The following ZCCHC7 variants were observed in gnomAD, a reference collection of about 807,000 sequenced individuals.
ZCCHC7 encodes zinc finger CCHC-type containing 7.
Under a neutral mutation model 52.0 loss-of-function variants are expected in ZCCHC7, and 35 were observed. That is an observed-to-expected ratio of 0.67 (90% confidence interval 0.51 to 0.89). The LOEUF is 0.89. Ranked by LOEUF, ZCCHC7 falls within the 40% of genes least tolerant of loss-of-function variation. The pLI is 0.00. For synonymous variants in ZCCHC7, 217 were observed against 221.5 expected (o/e 0.98, Z 0.18); for missense variants, 574 against 649.1 (o/e 0.88, Z 1.26).
At chr9:37,122,974 A>G (rs1398181609) in intron 1 of ZCCHC7, among the ~76,000 whole-genome samples, 4 of 152,264 alleles carry the variant, frequency 2.6e-5, no homozygotes, top group Admixed American at 6.5e-5. Flanking sequence ...AAATTTTAGT[A>G]AACAGTTGGC....
chr9:37,255,380 G>C (rs559947528), intron 2 of ZCCHC7, among the ~76,000 whole-genome samples: 1 of 152,038 alleles, frequency 6.6e-6, no homozygotes, highest in African/African-American at 2.4e-5. Flanking sequence ...AACCCAGATG[G>C]CTACTAGGTG....
At chr9:37,318,153 A>T (rs113471934) in intron 5 of ZCCHC7, among the ~76,000 whole-genome samples, 1 of 151,930 alleles carries the variant, frequency 6.6e-6, no homozygotes. Flanking sequence ...ATATTTGACG[A>T]TGAGGATGAC....
chr9:37,259,798 A>G (rs528545810), intron 2 of ZCCHC7, among the ~76,000 whole-genome samples: 4 of 152,302 alleles, frequency 2.6e-5, no homozygotes, highest in African/African-American at 9.6e-5. Flanking sequence ...TGACTTGTAT[A>G]TAATTCAGAA....
At chr9:37,189,003 C>T (rs1252072293) in intron 2 of ZCCHC7, among the ~76,000 whole-genome samples, 1 of 77,676 alleles carries the variant, frequency 1.3e-5, no homozygotes, top group Non-Finnish European at 2.4e-5. Context: ...TCATTTTTTT[C>T]CCATCTCTCA....
Position 37,354,017 on chromosome 9 carries a change from G to A in ZCCHC7, c.1084-693G>A, listed in dbSNP as rs1821547477. 6.6e-6 allele frequency among the ~76,000 whole-genome samples: 1 copy of A among 152,174 alleles called. No homozygotes were observed. Among genetic ancestry groups the A allele is most frequent in the African/African-American group, 2.4e-5 (1 of 41,440 alleles). On this transcript the variant is annotated intron_variant, in intron 7 of 8. Coordinates refer to ENST00000336755, the MANE Select transcript of ZCCHC7 (RefSeq NM_032226.3). This position sits in a 1 kb window ranked among gnomAD's most constrained non-coding sequence, Gnocchi z 4.0. ...TATGGATTTGGGAAATACTAGCTGG[G>A]TAGAGGCCAGAGTCATGAGAGTAGG...
chr9:37,318,862 G>T (rs1829936928), intron 5 of ZCCHC7, among the ~76,000 whole-genome samples: 1 of 150,104 alleles, frequency 6.7e-6, no homozygotes, highest in African/African-American at 2.5e-5. Flanking sequence ...AGAATCACTT[G>T]AACCCAGGAG....
intron 2 of ZCCHC7, among the ~76,000 whole-genome samples, chr9:37,267,736 A>AT (rs549019531): frequency 9.6e-4 from 146 of 151,438 alleles, no homozygotes; most frequent in African/African-American, 3.4e-3. Context: ...CGCCTGGCTA[A>AT]TTTTTTGTAT....
chr9:37,234,015 G>A (rs1048933949), intron 2 of ZCCHC7, among the ~76,000 whole-genome samples: 5 of 151,964 alleles, frequency 3.3e-5, no homozygotes, highest in Admixed American at 2.6e-4. Flanking sequence ...CACCACGCCC[G>A]GCTAATATTT....
At chr9:37,350,189 C>G (rs1197533494) in intron 7 of ZCCHC7, among the ~76,000 whole-genome samples, 2 of 136,292 alleles carry the variant, frequency 1.5e-5, no homozygotes, top group East Asian at 4.7e-4. Flanking sequence ...AGTGCAATGA[C>G]ACGATCTCAG....
intron 2 of ZCCHC7, among the ~76,000 whole-genome samples, chr9:37,152,463 G>C (rs1820584061): frequency 6.6e-6 from 1 of 151,894 alleles, no homozygotes; most frequent in Non-Finnish European, 1.5e-5. Flanking sequence ...TTCTTTTCTA[G>C]GATCCTGTTC....
chr9:37,255,693 T>G (rs1826555839), intron 2 of ZCCHC7, among the ~76,000 whole-genome samples: 1 of 152,138 alleles, frequency 6.6e-6, no homozygotes, highest in African/African-American at 2.4e-5. Context: ...TGAGTAGATA[T>G]CAATGGATGA....
chr9:37,302,171 A>T lies in ZCCHC7; in HGVS notation c.611-17A>T, dbSNP rs2133695209. ...TTAAAAGTGCCACGGTTAAGTAATA[A>T]TTTATTTGTTTTGTAGGAGAAGATG... On this transcript the variant is annotated splice_polypyrimidine_tract_variant and intron_variant, in intron 2 of 8. Coordinates refer to ENST00000336755, the MANE Select transcript of ZCCHC7 (RefSeq NM_032226.3). 1 of 1,601,178 alleles carries T rather than the reference A, an allele frequency of 6.2e-7. No homozygotes were observed. The highest frequency in any genetic ancestry group is 1.1e-5 in the South Asian group (1 of 89,682).
intron 6 of ZCCHC7, among the ~76,000 whole-genome samples, chr9:37,347,638 A>G (rs1207504196): frequency 6.6e-6 from 1 of 150,820 alleles, no homozygotes; most frequent in Non-Finnish European, 1.5e-5. Flanking sequence ...GGCTTTAAAG[A>G]AAAAAAAAAT....
intron 2 of ZCCHC7, among the ~76,000 whole-genome samples, chr9:37,161,873 A>C (rs1330959673): frequency 6.6e-6 from 1 of 152,200 alleles, no homozygotes; most frequent in Non-Finnish European, 1.5e-5. Flanking sequence ...GAGCTGTAAC[A>C]GGTGGACATT....
chr9:37,209,626 A>G (rs1824107356), intron 2 of ZCCHC7, among the ~76,000 whole-genome samples: 1 of 152,214 alleles, frequency 6.6e-6, no homozygotes, highest in East Asian at 1.9e-4. Flanking sequence ...CTGTTAAAGA[A>G]GAACCCTTTT....
chr9:37,223,883 A>G (rs151203349), intron 2 of ZCCHC7, among the ~76,000 whole-genome samples: 1 of 152,274 alleles, frequency 6.6e-6, no homozygotes, highest in Non-Finnish European at 1.5e-5. Context: ...AAATATAGGT[A>G]GTAAAACAGC....
At position 37,331,536 on chromosome 9, in the gene ZCCHC7, C is replaced by T. The variant is rs999559405; in HGVS notation, c.987+3702C>T. Reference sequence around the variant, plus strand: ...AACTCTAGAACTATGTTTTACACTCCAGAAGGAAGGAATAAGAAGGTGGTT... The same window carrying T: ...AACTCTAGAACTATGTTTTACACTCTAGAAGGAAGGAATAAGAAGGTGGTT... On this transcript the variant is annotated intron_variant, in intron 6 of 8. Coordinates refer to ENST00000336755, the MANE Select transcript of ZCCHC7 (RefSeq NM_032226.3). Among the ~76,000 whole-genome samples, 3 of 151,450 alleles carry T rather than the reference C, an allele frequency of 2.0e-5. No homozygotes were observed. In the East Asian group the frequency reaches 5.8e-4, roughly 29 times the overall value.
chr9:37,318,209 G>T (rs564137754), intron 5 of ZCCHC7, among the ~76,000 whole-genome samples: 1 of 151,726 alleles, frequency 6.6e-6, no homozygotes, highest in Non-Finnish European at 1.5e-5. Context: ...CAGCCGTTTC[G>T]AAAATGATAT....
chr9:37,186,191 T>C (rs1419698266), intron 2 of ZCCHC7, among the ~76,000 whole-genome samples: 2 of 152,212 alleles, frequency 1.3e-5, no homozygotes, highest in East Asian at 1.9e-4. Flanking sequence ...TGTATGATTA[T>C]GTTTAGTTTA....
Sources: gnomAD v4.1 joint callset for allele counts (sites outside exome capture counted in the v4.1 genomes callset) on GRCh38, gnomAD v4.1.1 for gene constraint, Gnocchi (gnomAD v3.1) non-coding constraint, MANE v1.5 for transcripts, NCBI Gene and HGNC (gene_info 2026-07-23, HGNC 2026-07-21) for gene names.